Variants in ZNF367 observed in about 807,000 individuals in gnomAD.
ZNF367 encodes the protein C2H2 zinc finger protein ZFF29.
Under a neutral mutation model 31.8 loss-of-function variants are expected in ZNF367, and 11 were observed. That is an observed-to-expected ratio of 0.35 (90% CI 0.22 to 0.57). ZNF367 has a LOEUF of 0.57. Among genes scored for constraint, ZNF367 ranks in the 20% least tolerant of loss-of-function variants. The probability of loss-of-function intolerance (pLI) is 0.85; values close to 1 mark genes in which losing one functional copy is unlikely to be tolerated. For missense variants in ZNF367, 353 were observed against 484.1 expected (o/e 0.73, Z 2.54); for synonymous variants, 199 against 202.4 (o/e 0.98, Z 0.14).
chr9:96,417,468 G>C lies in ZNF367; in HGVS notation c.420+145C>G, dbSNP rs1831847411. On this transcript the variant is annotated intron_variant, in intron 1 of 4. Coordinates refer to ENST00000375256, the MANE Select transcript of ZNF367 (RefSeq NM_153695.4). This position sits in a 1 kb window ranked among gnomAD's most constrained non-coding sequence, Gnocchi z 5.0. ...CCCGACTGGGGCCGGTTTTTGGCGC[G>C]CGGCAGTGACGTCAGCATCCTGTCA... The C allele has an allele frequency of 4.1e-6, 1 of 245,376 alleles. No homozygotes were observed. Among genetic ancestry groups the C allele is most frequent in the Admixed American group, 5.7e-5 (1 of 17,676 alleles). The allele number at this position is 245,376 out of a possible 1,614,324, so 15.2% of individuals were successfully genotyped here. A position where few individuals can be genotyped will look rare whatever the true frequency, so the allele number is the denominator to read the frequency against.
Position 96,388,530 on chromosome 9 carries a change from A to G in ZNF367, c.831-71T>C. 8 of 1,361,488 alleles carry G rather than the reference A, an allele frequency of 5.9e-6. No homozygotes were observed. The South Asian group carries it at 1.1e-4, about 19-fold the overall frequency. The allele number at this position is 1,361,488 out of a possible 1,614,324, so 84.3% of individuals were successfully genotyped here. A position where few individuals can be genotyped will look rare whatever the true frequency, so the allele number is the denominator to read the frequency against. ...TCCAAATGTTTACTTTTCTTTTAAA[A>G]AGTTCCATACCACAATATTACTTTT... On this transcript the variant is annotated intron_variant, in intron 4 of 4. Coordinates refer to ENST00000375256, the MANE Select transcript of ZNF367 (RefSeq NM_153695.4).
At position 96,418,250 on chromosome 9, in the gene ZNF367, C is replaced by G. The variant is rs923393014; in HGVS notation, c.-218G>C. On this transcript the variant is annotated 5_prime_UTR_variant, in exon 1 of 5. Transcript: ENST00000375256. The stretch of plus-strand genomic sequence containing the variant: ...CCCCAGGTCAAGCGCGCCCTCCGCT[C>G]TTTGTACTCCGCAGCGCAGGCTGCA... 9 of 588,082 alleles carry G rather than the reference C, an allele frequency of 1.5e-5. No individual in the cohort carries two copies. Among genetic ancestry groups the G allele is most frequent in the Non-Finnish European group, 2.3e-5 (9 of 399,110 alleles). The allele number at this position is 588,082 out of a possible 1,614,324, so 36.4% of individuals were successfully genotyped here.
Position 96,417,444 on chromosome 9 carries a change from C to CA in ZNF367, c.420+168_420+169insT, listed in dbSNP as rs1554721845. 5.3e-5 allele frequency among the ~76,000 whole-genome samples: 8 copies of CA among 150,946 alleles called. No homozygotes were observed. The highest frequency in any genetic ancestry group is 2.0e-4 in the East Asian group (1 of 5,074). On this transcript the variant is annotated intron_variant, in intron 1 of 4. Coordinates refer to ENST00000375256, the MANE Select transcript of ZNF367 (RefSeq NM_153695.4). The surrounding 1 kb of genome is among the most constrained non-coding windows in gnomAD (Gnocchi z 5.0). ...CCGCCTGTCACGTGACAGGCCCCCC[C>CA]CGACTGGGGCCGGTTTTTGGCGCGC...
rs1410418469 is a variant in ZNF367 at position 96,392,389 on chromosome 9, A to G, written c.830+9T>C. The G allele has an allele frequency of 6.2e-7, 1 of 1,614,082 alleles. No homozygotes were observed. The highest frequency in any genetic ancestry group is 8.5e-7 in the Non-Finnish European group (1 of 1,180,042). On this transcript the variant is annotated intron_variant, in intron 4 of 4. Transcript: ENST00000375256. ...ATCTTCACGGTGGACTAAAGGCAGC[A>G]TTCCTGACCTCGCCAGCCACTCGGC...
chr9:96,410,767 A>G (rs141606901), intron 1 of ZNF367, among the ~76,000 whole-genome samples: 2,063 of 151,972 alleles, frequency 0.014, 43 homozygotes, highest in African/African-American at 0.047. Flanking sequence ...AGTCCCAGCT[A>G]CTTGGGAGGC....
Position 96,394,950 on chromosome 9 carries a change from G to A in ZNF367, c.572-8C>T, listed in dbSNP as rs180733210. 9.3e-4 allele frequency: 1,499 copies of A among 1,613,508 alleles called. 1 individual carries two copies. Among genetic ancestry groups the A allele is most frequent in the Non-Finnish European group, 1.2e-3 (1,395 of 1,179,660 alleles). On this transcript the variant is annotated splice_region_variant and splice_polypyrimidine_tract_variant and intron_variant, in intron 2 of 4. Transcript: ENST00000375256. ...ACAGATAGGGCCTCTCACCTAAGTA[G>A]ACAGATGTTAGATATTATATCTGAG...
Position 96,388,342 on chromosome 9 carries a change from C to CTCG in ZNF367, c.945_947dup (p.Asp315dup). On this transcript the variant is annotated inframe_insertion, in exon 5 of 5. Transcript: ENST00000375256. ...GCAGCCGGCGCTGGGCCCCTCTCTT[C>CTCG]TCGTCGTCCTCTTCATCAGACTGAA... is the stretch of plus-strand genomic sequence containing the variant. 1 of 1,613,136 alleles carries CTCG rather than the reference C, an allele frequency of 6.2e-7. No individual in the cohort carries two copies. The highest frequency in any genetic ancestry group is 8.5e-7 in the Non-Finnish European group (1 of 1,180,038).
In ZNF367 at chr9:96,417,579, A is replaced by ACGTC; in HGVS notation, c.420+30_420+33dup. 2.5e-6 allele frequency: 1 copy of ACGTC among 400,698 alleles called. No individual in the cohort carries two copies. The highest frequency in any genetic ancestry group is 4.1e-6 in the Non-Finnish European group (1 of 243,342). 24.8% of individuals were successfully genotyped at this position (400,698 alleles called of 1,614,324 possible). The stretch of plus-strand genomic sequence containing the variant: ...ACCGTTAACGGGCCCCGGCTGCCCC[A>ACGTC]CGTCCCGCCCGCCCGCCCGCCCGCG... On this transcript the variant is annotated intron_variant, in intron 1 of 4. Coordinates refer to ENST00000375256, the MANE Select transcript of ZNF367 (RefSeq NM_153695.4). This position sits in a 1 kb window ranked among gnomAD's most constrained non-coding sequence, Gnocchi z 5.0.
chr9:96,408,559 A>G (rs1282843642), intron 1 of ZNF367, among the ~76,000 whole-genome samples: 2 of 152,156 alleles, frequency 1.3e-5, no homozygotes. Context: ...TACCTATATG[A>G]GGTATCTGAG....
At chr9:96,407,050 T>C (rs1831679889) in intron 1 of ZNF367, among the ~76,000 whole-genome samples, 1 of 138,848 alleles carries the variant, frequency 7.2e-6, no homozygotes, top group African/African-American at 2.7e-5. Context: ...TCAGGCACAA[T>C]GGCTCACATC....
Position 96,392,237 on chromosome 9 carries a change from C to T in ZNF367, c.830+161G>A, listed in dbSNP as rs1289483853. The stretch of plus-strand genomic sequence containing the variant: ...CACACAGATCCTAAGATCCTAATAC[C>T]ACTCACAACAATTTTATAGAAAATC... On this transcript the variant is annotated intron_variant, in intron 4 of 4. Coordinates refer to ENST00000375256, the MANE Select transcript of ZNF367 (RefSeq NM_153695.4). 4.0e-6 allele frequency: 4 copies of T among 1,011,888 alleles called. No homozygotes were observed. In the East Asian group the frequency reaches 1.0e-4, roughly 26 times the overall value. 62.7% of individuals were successfully genotyped at this position (1,011,888 alleles called of 1,614,324 possible). A position where few individuals can be genotyped will look rare whatever the true frequency, so the allele number is the denominator to read the frequency against.
chr9:96,416,227 C>T (rs1831829224), intron 1 of ZNF367, among the ~76,000 whole-genome samples: 1 of 152,020 alleles, frequency 6.6e-6, no homozygotes, highest in Non-Finnish European at 1.5e-5. Flanking sequence ...GCTGGGACTA[C>T]AGGCGCCCAC....
chr9:96,400,433 A>G (rs529600135), intron 1 of ZNF367, among the ~76,000 whole-genome samples: 1 of 151,572 alleles, frequency 6.6e-6, no homozygotes, highest in African/African-American at 2.4e-5. Context: ...AAGGAAAAAG[A>G]ATGACAAGAA....
intron 1 of ZNF367, among the ~76,000 whole-genome samples, chr9:96,405,356 A>T (rs1831659285): frequency 6.6e-6 from 1 of 151,438 alleles, no homozygotes; most frequent in African/African-American, 2.4e-5. Flanking sequence ...ATTATTCATC[A>T]TTTAGGAAAA....
chr9:96,413,027 CT>C (rs1831771623), intron 1 of ZNF367, among the ~76,000 whole-genome samples: 1 of 152,082 alleles, frequency 6.6e-6, no homozygotes, highest in Admixed American at 6.6e-5. Context: ...GTCTACTTAT[CT>C]CAGCTTAATA....
chr9:96,399,602 G>T (rs1412056987), intron 1 of ZNF367, among the ~76,000 whole-genome samples: 1 of 152,194 alleles, frequency 6.6e-6, no homozygotes, highest in Non-Finnish European at 1.5e-5. Context: ...TGGATCACCT[G>T]AGGTCAGGAG....
intron 1 of ZNF367, among the ~76,000 whole-genome samples, chr9:96,413,942 A>T (rs1831783984): frequency 1.3e-5 from 2 of 151,898 alleles, no homozygotes; most frequent in Non-Finnish European, 2.9e-5. Flanking sequence ...TATTGGGAGA[A>T]TGTTATTGGC....
rs1324554937 is a variant in ZNF367, at chr9:96,417,455, C to A, written c.420+158G>T. 2.0e-5 allele frequency among the ~76,000 whole-genome samples: 3 copies of A among 150,484 alleles called. No homozygotes were observed. Among genetic ancestry groups the A allele is most frequent in the Non-Finnish European group, 4.4e-5 (3 of 67,600 alleles). ...GTGACAGGCCCCCCCCGACTGGGGC[C>A]GGTTTTTGGCGCGCGGCAGTGACGT... On this transcript the variant is annotated intron_variant, in intron 1 of 4. Coordinates refer to ENST00000375256, the MANE Select transcript of ZNF367 (RefSeq NM_153695.4). This position sits in a 1 kb window ranked among gnomAD's most constrained non-coding sequence, Gnocchi z 5.0.
chr9:96,392,669 G>A (rs1487992825), intron 3 of ZNF367, 133 bp from the exon 4 acceptor site: 7 of 1,331,340 alleles, frequency 5.3e-6, no homozygotes, highest in Non-Finnish European at 5.1e-6. Flanking sequence ...ATTTGGAGGA[G>A]AAAACAATCA....
Sources: gnomAD v4.1 joint callset for allele counts (sites outside exome capture counted in the v4.1 genomes callset) on GRCh38, gnomAD v4.1.1 for gene constraint, Gnocchi (gnomAD v3.1) non-coding constraint, MANE v1.5 for transcripts, NCBI Gene and HGNC (gene_info 2026-07-23, HGNC 2026-07-21) for gene names.